The following GSDMA variants were observed in gnomAD, a reference collection of about 807,000 sequenced individuals.
The protein encoded by GSDMA is gasdermin-A.
A neutral mutation model predicts 54.3 loss-of-function variants in GSDMA; 55 were observed. The ratio of observed to expected loss-of-function variants is 1.01; its 90% CI spans 0.82 to 1.27. The LOEUF (loss-of-function observed/expected upper bound fraction) is 1.27. Among genes scored for constraint, GSDMA ranks in the 50% most tolerant of loss-of-function variants. The pLI is 0.00. For missense variants in GSDMA, 542 were observed against 542.6 expected (o/e 1.00, Z 0.01); for synonymous variants, 211 against 224.7 (o/e 0.94, Z 0.54).
chr17:39,965,826 C>G lies in GSDMA; in HGVS notation c.139C>G (p.Leu47Val), dbSNP rs781349290. 1.1e-5 allele frequency: 17 copies of G among 1,587,520 alleles called. No homozygotes were observed. Among genetic ancestry groups the G allele is most frequent in the Middle Eastern group, 3.3e-4 (2 of 6,032 alleles). ...GGTGCTGAGGAAGAGGAAGAGCACG[C>G]TCTTCTGGGGGGCCCGGTACGTCCG... ...CLVLRKRKSTLFWGARYVRTD... is the reference protein window; with the variant it reads ...CLVLRKRKSTVFWGARYVRTD... Residue 47 changes from leucine (L) to valine (V), a missense_variant, in exon 2 of 12, where the codon CTC becomes GTC. Leu to Val is a conservative substitution (Grantham distance 32). Transcript: ENST00000301659.
At chr17:39,969,304 C>T (rs370785746) in intron 3 of GSDMA, among the ~76,000 whole-genome samples, 5 of 148,856 alleles carry the variant, frequency 3.4e-5, no homozygotes, top group African/African-American at 1.2e-4. Context: ...GAGTTATGAT[C>T]GAGCCACTGC....
rs1053112294 is a variant in GSDMA, at chr17:39,977,239, C to T, written c.*181C>T. 13 of 640,850 alleles carry T rather than the reference C, an allele frequency of 2.0e-5. No homozygotes were observed. The highest frequency in any genetic ancestry group is 4.3e-4 in the Middle Eastern group (1 of 2,338). The allele number at this position is 640,850 out of a possible 1,614,324, so 39.7% of individuals were successfully genotyped here. On this transcript the variant is annotated 3_prime_UTR_variant, in exon 12 of 12. Transcript: ENST00000301659. ...ATATCACCCCCTACCCCTCCAGCTC[C>T]GCAACCCACTAAGCCCATCTGCTGA... is the stretch of plus-strand genomic sequence containing the variant.
chr17:39,970,455 G>C (rs141046019), intron 3 of GSDMA, 27 bp from the exon 4 acceptor site: 2 of 1,538,354 alleles, frequency 1.3e-6, no homozygotes, highest in Non-Finnish European at 1.8e-6. Context: ...AGCTCTGAAC[G>C]GTTCCCTTAT....
intron 8 of GSDMA, 90 bp downstream of exon 8, chr17:39,973,920 G>A: frequency 1.6e-6 from 2 of 1,215,716 alleles, no homozygotes; most frequent in Middle Eastern, 1.9e-4. Context: ...TTCTTTGTCA[G>A]CTAACTCATG....
rs1361858087 is a variant in GSDMA, at chr17:39,977,146, C to T, written c.*88C>T. 1 of 1,471,784 alleles carries T rather than the reference C, an allele frequency of 6.8e-7. No individual in the cohort carries two copies. Among genetic ancestry groups the T allele is most frequent in the African/African-American group, 1.4e-5 (1 of 71,332 alleles). The allele number at this position is 1,471,784 out of a possible 1,614,324, so 91.2% of individuals were successfully genotyped here. On this transcript the variant is annotated 3_prime_UTR_variant, in exon 12 of 12. Transcript: ENST00000301659. ...TTACCACCTAAGGGCATTTCAGAGC[C>T]ATCAGCTGAAGACATCTGAAATCTC...
chr17:39,974,783 G>T, intron 9 of GSDMA, 117 bp from the exon 10 acceptor site: 1 of 693,804 alleles, frequency 1.4e-6, no homozygotes, highest in Non-Finnish European at 2.5e-6. Context: ...ATGAGGCCTC[G>T]AAAAAGAAAT....
chr17:39,970,745 G>T, intron 4 of GSDMA, 98 bp downstream of exon 4: 12 of 1,190,246 alleles, frequency 1.0e-5, no homozygotes, highest in Non-Finnish European at 1.3e-5. Context: ...GGCTTCATTA[G>T]CTTTGCCTGA....
chr17:39,973,482 A>T (rs930274969), intron 7 of GSDMA, among the ~76,000 whole-genome samples: 2 of 148,884 alleles, frequency 1.3e-5, no homozygotes, highest in Non-Finnish European at 3.0e-5. Context: ...GGCTGGTCTC[A>T]AACTCCTGAC....
intron 3 of GSDMA, 116 bp downstream of exon 3, chr17:39,966,553 G>C: frequency 1.1e-6 from 1 of 945,458 alleles, no homozygotes; most frequent in Non-Finnish European, 1.5e-6. Context: ...TGCCAATGTG[G>C]TCATGACAGG....
chr17:39,966,339 G>T lies in GSDMA; in HGVS notation c.294G>T (p.Thr98=). The T allele has an allele frequency of 6.2e-7, 1 of 1,613,920 alleles. No homozygotes were observed. The highest frequency in any genetic ancestry group is 8.5e-7 in the Non-Finnish European group (1 of 1,179,858). ...RVEGDVDVPK[T]VKVKGTAGLS... ...AGGGAGATGTGGATGTACCAAAGACGGTGAAGGTGAAGGGAACGGCAGGGC... is the reference window on the plus strand; with the variant it reads ...AGGGAGATGTGGATGTACCAAAGACTGTGAAGGTGAAGGGAACGGCAGGGC... Residue 98 remains threonine (T), a synonymous_variant, in exon 3 of 12, where the codon ACG becomes ACT. Transcript: ENST00000301659.
Position 39,975,885 on chromosome 17 carries a change from C to T in GSDMA, c.1022-39C>T, listed in dbSNP as rs551262155. 21 of 1,476,676 alleles carry T rather than the reference C, an allele frequency of 1.4e-5. No homozygotes were observed. The South Asian group carries it at 2.2e-4, about 15-fold the overall frequency. 91.5% of individuals were successfully genotyped at this position (1,476,676 alleles called of 1,614,324 possible). ...TATTTGGAGGCTGTAGTCCCCTCTG[C>T]ACCAGCAACACACATCTTTCTCTGC... is the stretch of plus-strand genomic sequence containing the variant. On this transcript the variant is annotated intron_variant, in intron 10 of 11. Transcript: ENST00000301659.
In GSDMA at chr17:39,974,269, A is replaced by C; in HGVS notation, c.752-4A>C. ...GGCTGTGTGTCCCATTATTGTCCCC[A>C]TAGGGGACGTACACGAAGGCTTCAG... On this transcript the variant is annotated splice_region_variant and splice_polypyrimidine_tract_variant and intron_variant, in intron 8 of 11. Coordinates refer to ENST00000301659, the MANE Select transcript of GSDMA (RefSeq NM_178171.5). The C allele has an allele frequency of 6.2e-6, 10 of 1,607,842 alleles. No homozygotes were observed. The highest frequency in any genetic ancestry group is 1.3e-5 in the African/African-American group (1 of 74,754).
intron 8 of GSDMA, among the ~76,000 whole-genome samples, chr17:39,974,036 G>A (rs1369947192): frequency 6.6e-6 from 1 of 152,192 alleles, no homozygotes. Context: ...AAGATTAACT[G>A]TTGGGTTAGA....
intron 3 of GSDMA, among the ~76,000 whole-genome samples, chr17:39,967,858 T>A (rs904413937): frequency 1.7e-4 from 26 of 151,542 alleles, no homozygotes; most frequent in Admixed American, 9.2e-4. Flanking sequence ...TTATTTATTT[T>A]ATTTATTTAT....
At chr17:39,974,571 C>A in intron 9 of GSDMA, 144 bp downstream of exon 9, 4 of 889,868 alleles carry the variant, frequency 4.5e-6, no homozygotes, top group Non-Finnish European at 6.7e-6. Flanking sequence ...ATACCTTCCC[C>A]AAGGCTGGCC....
chr17:39,967,695 A>G (rs536989132), intron 3 of GSDMA, among the ~76,000 whole-genome samples: 159 of 152,258 alleles, frequency 1.0e-3, no homozygotes, highest in Non-Finnish European at 1.8e-3. Flanking sequence ...TGTTTGAAAC[A>G]GTTTTTCGCT....
chr17:39,965,577 C>A, intron 1 of GSDMA, 106 bp from the exon 2 acceptor site: 1 of 761,616 alleles, frequency 1.3e-6, no homozygotes, highest in African/African-American at 1.7e-5. Context: ...GCTCCTCCTG[C>A]CTCAGAGCCG....
chr17:39,975,078 C>T, intron 10 of GSDMA, 64 bp downstream of exon 10: 1 of 860,544 alleles, frequency 1.2e-6, no homozygotes, highest in Non-Finnish European at 1.9e-6. Flanking sequence ...TCACTTGAAT[C>T]AATTCCCAAA....
chr17:39,966,991 AC>A (rs5820312), intron 3 of GSDMA, among the ~76,000 whole-genome samples: 65,223 of 151,902 alleles, frequency 0.43, 14,446 homozygotes, highest in Admixed American at 0.53. Flanking sequence ...GCTGGGCACC[AC>A]CGGATGTTTG....
Sources: gnomAD v4.1 joint callset for allele counts (sites outside exome capture counted in the v4.1 genomes callset) on GRCh38, gnomAD v4.1.1 for gene constraint, MANE v1.5 for transcripts, NCBI Gene and HGNC (gene_info 2026-07-23, HGNC 2026-07-21) for gene names.